The following GMDS variants were observed in gnomAD, a reference collection of about 807,000 sequenced individuals.
GMDS encodes GDP-mannose 4,6-dehydratase.
A neutral mutation model predicts 49.9 loss-of-function variants in GMDS; 20 were observed. The observed-to-expected ratio is 0.40, with a 90% CI of 0.28 to 0.58. The LOEUF (loss-of-function observed/expected upper bound fraction) is 0.58. GMDS is among the 20% of genes least tolerant of loss of function. The pLI is 0.42. For missense variants in GMDS, 362 were observed against 481.4 expected, an observed-to-expected ratio of 0.75 and a Z score of 2.32; for synonymous variants, 177 against 178.6, an observed-to-expected ratio of 0.99 and a Z score of 0.07.
chr6:1,727,871 T>A (rs888455441), intron 8 of GMDS, among the ~76,000 whole-genome samples: 1 of 152,252 alleles, frequency 6.6e-6, no homozygotes, highest in Non-Finnish European at 1.5e-5. Context: ...GCGCAGTATG[T>A]TGAATAATAT....
chr6:1,882,436 T>C (rs1233546713), intron 7 of GMDS, among the ~76,000 whole-genome samples: 1 of 152,182 alleles, frequency 6.6e-6, no homozygotes, highest in African/African-American at 2.4e-5. Context: ...AATAAATGGC[T>C]AGAATGAAAT....
intron 7 of GMDS, among the ~76,000 whole-genome samples, chr6:1,876,239 CA>C (rs1464077438): frequency 3.6e-5 from 5 of 140,286 alleles, no homozygotes; most frequent in African/African-American, 1.6e-4. Flanking sequence ...ACCTGGGCAA[CA>C]AGAGCGAAAC....
At chr6:2,028,257 T>C (rs1189660156) in intron 4 of GMDS, among the ~76,000 whole-genome samples, 1 of 152,172 alleles carries the variant, frequency 6.6e-6, no homozygotes, top group Non-Finnish European at 1.5e-5. Context: ...CTTATAAGAT[T>C]AAAAGAAGCA....
At chr6:1,921,014 G>T (rs564997754) in intron 7 of GMDS, among the ~76,000 whole-genome samples, 1 of 152,140 alleles carries the variant, frequency 6.6e-6, no homozygotes, top group East Asian at 1.9e-4. Context: ...ATCAATGAGC[G>T]TGACTAAAGG....
chr6:2,032,504 T>C (rs1423625121), intron 4 of GMDS, among the ~76,000 whole-genome samples: 3 of 152,192 alleles, frequency 2.0e-5, no homozygotes, highest in African/African-American at 7.2e-5. Flanking sequence ...GCACAATCCT[T>C]AAGTCTCCTT....
intron 1 of GMDS, among the ~76,000 whole-genome samples, chr6:2,234,209 A>G (rs1781245750): frequency 6.6e-6 from 1 of 152,204 alleles, no homozygotes; most frequent in Non-Finnish European, 1.5e-5. Flanking sequence ...CCTCTCAAAC[A>G]GCTTTCTTAT....
At chr6:1,690,053 C>T (rs750484070) in intron 9 of GMDS, among the ~76,000 whole-genome samples, 9 of 152,170 alleles carry the variant, frequency 5.9e-5, no homozygotes, top group Middle Eastern at 3.4e-3. Context: ...TGTAGTGAAC[C>T]GAGATCGCAT....
chr6:2,238,345 T>C (rs894899714), intron 1 of GMDS, among the ~76,000 whole-genome samples: 24 of 152,124 alleles, frequency 1.6e-4, no homozygotes, highest in Non-Finnish European at 2.9e-4. Context: ...ATTGCACCAC[T>C]GCACTTCAAA....
At chr6:2,094,252 T>A (rs1222209078) in intron 4 of GMDS, among the ~76,000 whole-genome samples, 1 of 152,196 alleles carries the variant, frequency 6.6e-6, no homozygotes. Context: ...AGACACTGTA[T>A]AACAGACTAA....
chr6:1,942,655 G>C, intron 6 of GMDS, among the ~76,000 whole-genome samples: 1 of 152,256 alleles, frequency 6.6e-6, no homozygotes, highest in South Asian at 2.1e-4. Context: ...GAAAAGATGA[G>C]GCCAAGACAG....
chr6:2,071,614 T>C (rs1159614435), intron 4 of GMDS, among the ~76,000 whole-genome samples: 2 of 151,864 alleles, frequency 1.3e-5, no homozygotes, highest in African/African-American at 2.4e-5. Flanking sequence ...AGAAAAAGCA[T>C]TGCATCTTCC....
chr6:1,953,290 T>G (rs1165708104), intron 6 of GMDS, among the ~76,000 whole-genome samples: 1 of 152,040 alleles, frequency 6.6e-6, no homozygotes, highest in Non-Finnish European at 1.5e-5. Flanking sequence ...AATTCTACAC[T>G]CATACTGAAA....
At chr6:1,828,444 C>T (rs749234294) in intron 7 of GMDS, among the ~76,000 whole-genome samples, 1 of 152,094 alleles carries the variant, frequency 6.6e-6, no homozygotes, top group Non-Finnish European at 1.5e-5. Flanking sequence ...ATCCAAGAAG[C>T]TCACCAAACA....
intron 9 of GMDS, among the ~76,000 whole-genome samples, chr6:1,723,659 T>A (rs1197816665): frequency 6.6e-6 from 1 of 151,758 alleles, no homozygotes; most frequent in African/African-American, 2.4e-5. Context: ...GGTTTGAGTG[T>A]CCCTCTGTGC....
chr6:1,776,485 T>G (rs568520741), intron 7 of GMDS, among the ~76,000 whole-genome samples: 1 of 151,270 alleles, frequency 6.6e-6, no homozygotes, highest in Non-Finnish European at 1.5e-5. Flanking sequence ...GCCAGGAGTT[T>G]GATACCAGCC....
intron 7 of GMDS, among the ~76,000 whole-genome samples, chr6:1,753,950 A>T (rs1367894639): frequency 1.3e-5 from 2 of 152,318 alleles, no homozygotes; most frequent in East Asian, 3.9e-4. Context: ...TAAAATCAAC[A>T]CCATAACATC....
chr6:1,704,299 T>G (rs1765644668), intron 9 of GMDS, among the ~76,000 whole-genome samples: 1 of 144,194 alleles, frequency 6.9e-6, no homozygotes, highest in Non-Finnish European at 1.5e-5. Flanking sequence ...GCGGGGTGGG[T>G]GTGGGGGTAA....
chr6:1,723,515 G>A (rs1375562014), intron 9 of GMDS, among the ~76,000 whole-genome samples: 2 of 151,692 alleles, frequency 1.3e-5, no homozygotes, highest in African/African-American at 2.4e-5. Context: ...TTTTTTAGTA[G>A]AGACGGGGTT....
intron 6 of GMDS, among the ~76,000 whole-genome samples, chr6:1,939,705 C>T (rs1294893479): frequency 1.3e-5 from 2 of 151,832 alleles, no homozygotes; most frequent in Admixed American, 1.3e-4. Flanking sequence ...AGGAAAAAAA[C>T]TGACAAAATT....
Sources: allele counts gnomAD v4.1 joint callset (sites outside exome capture counted in the v4.1 genomes callset), GRCh38; gene constraint gnomAD v4.1.1; transcripts MANE v1.5; gene names NCBI Gene and HGNC (gene_info 2026-07-23, HGNC 2026-07-21).